FLNB: variants seen among roughly 807,000 people sequenced by gnomAD.
FLNB encodes filamin B.
Under a neutral mutation model 250.6 loss-of-function variants are expected in FLNB, and 111 were observed. That is an observed-to-expected ratio of 0.44 (90% confidence interval 0.38 to 0.52). The LOEUF is 0.52. Among genes scored for constraint, FLNB ranks in the 20% least tolerant of loss-of-function variants. The pLI, the probability that FLNB is intolerant of heterozygous loss-of-function variation, is 0.00. For missense variants in FLNB, 2,869 were observed against 3,447.8 expected (o/e 0.83, Z 4.20); for synonymous variants, 1,302 against 1,372.1 (o/e 0.95, Z 1.13).
intron 4 of FLNB, among the ~76,000 whole-genome samples, chr3:58,089,747 G>A (rs1418201407): frequency 6.6e-6 from 1 of 152,124 alleles, no homozygotes; most frequent in Non-Finnish European, 1.5e-5. Context: ...GCAATAGCAG[G>A]GTGGAAGGAC....
chr3:58,084,365 T>C (rs1412938447), intron 4 of FLNB, among the ~76,000 whole-genome samples: 6 of 152,110 alleles, frequency 3.9e-5, no homozygotes, highest in Non-Finnish European at 8.8e-5. Context: ...CAAGGCATAG[T>C]GTATGTTTGT....
chr3:58,013,912 T>C (rs1314180156), intron 1 of FLNB, among the ~76,000 whole-genome samples: 1 of 152,244 alleles, frequency 6.6e-6, no homozygotes, highest in Non-Finnish European at 1.5e-5. Context: ...GCATTCAATG[T>C]CACTTGTGTA....
chr3:58,161,785 C>T (rs559013752), intron 42 of FLNB, among the ~76,000 whole-genome samples: 3 of 151,724 alleles, frequency 2.0e-5, no homozygotes, highest in African/African-American at 4.9e-5. Flanking sequence ...GGATGGCCTT[C>T]CTCTTGGTGG....
intron 43 of FLNB, 42 bp downstream of exon 43, chr3:58,163,372 C>G: frequency 2.5e-6 from 4 of 1,593,212 alleles, no homozygotes; most frequent in Non-Finnish European, 2.6e-6. Flanking sequence ...ACTGAACCAG[C>G]TCCAGGGACC....
At chr3:58,122,871 C>A (rs183150296) in intron 20 of FLNB, among the ~76,000 whole-genome samples, 1 of 152,264 alleles carries the variant, frequency 6.6e-6, no homozygotes, top group Non-Finnish European at 1.5e-5. Flanking sequence ...ATGGGGGTCA[C>A]ACCTCTCTCC....
intron 18 of FLNB, among the ~76,000 whole-genome samples, chr3:58,113,248 A>C (rs951151037): frequency 1.3e-5 from 2 of 152,218 alleles, no homozygotes; most frequent in Non-Finnish European, 2.9e-5. Context: ...GAGAGCAGAC[A>C]TCCTGGCAGA....
intron 1 of FLNB, among the ~76,000 whole-genome samples, chr3:58,031,343 C>T (rs1294435117): frequency 6.6e-6 from 1 of 151,782 alleles, no homozygotes; most frequent in Non-Finnish European, 1.5e-5. Context: ...CCCGGGTTCG[C>T]GCCATTCTCC....
intron 32 of FLNB, 28 bp from the exon 33 acceptor site, chr3:58,145,893 A>C: frequency 6.2e-7 from 1 of 1,613,978 alleles, no homozygotes; most frequent in East Asian, 2.2e-5. Context: ...ATGAGCACCA[A>C]TTTTGTTTGT....
chr3:58,143,656 G>A, intron 32 of FLNB, 43 bp downstream of exon 32: 3 of 1,611,208 alleles, frequency 1.9e-6, no homozygotes, highest in Non-Finnish European at 2.5e-6. Flanking sequence ...ACCATTCAGG[G>A]GCATCCGGGC....
intron 31 of FLNB, 113 bp from the exon 32 acceptor site, chr3:58,143,360 G>A (rs906206594): frequency 1.4e-5 from 15 of 1,102,752 alleles, no homozygotes; most frequent in South Asian, 3.9e-5. Flanking sequence ...AGGCAGCAAC[G>A]AATGTTCTTG....
chr3:58,099,506 A>G (rs2097245723), intron 8 of FLNB, among the ~76,000 whole-genome samples: 1 of 152,104 alleles, frequency 6.6e-6, no homozygotes, highest in Admixed American at 6.6e-5. Context: ...CTCAAATGTT[A>G]GACTCTCTCC....
At chr3:58,102,769 G>C (rs1317428517) in intron 9 of FLNB, among the ~76,000 whole-genome samples, 3 of 152,204 alleles carry the variant, frequency 2.0e-5, no homozygotes, top group Non-Finnish European at 4.4e-5. Flanking sequence ...ACATTTTATA[G>C]AGTATGAAAT....
In FLNB at chr3:58,112,335, C is replaced by A. The variant is rs377054671; in HGVS notation, c.2745+17C>A. ...ACCCAACAGGTAGGGTCCTTCTCCC[C>A]TCTGCTCCCCTGGCCCCCAGCCAGG... On this transcript the variant is annotated intron_variant, in intron 18 of 45. Transcript: ENST00000295956. 1.2e-6 allele frequency: 2 copies of A among 1,611,760 alleles called. No individual in the cohort carries two copies.
intron 2 of FLNB, among the ~76,000 whole-genome samples, chr3:58,077,513 G>A (rs2097203375): frequency 6.6e-6 from 1 of 152,238 alleles, no homozygotes; most frequent in African/African-American, 2.4e-5. Flanking sequence ...TGAGCATCAA[G>A]TTGAGTCTTT....
In FLNB at chr3:58,109,183, G is replaced by C; in HGVS notation, c.2060G>C (p.Gly687Ala). The C allele has an allele frequency of 6.2e-7, 1 of 1,614,174 alleles. No homozygotes were observed. Among genetic ancestry groups the C allele is most frequent in the East Asian group, 2.2e-5 (1 of 44,874 alleles). The stretch of plus-strand genomic sequence containing the variant: ...CTAGCTCTGGCTTTTTTGCAGGATG[G>C]GGAAGGCCAACGCATTGACATCCAG... ...KAPLKIFAQDGEGQRIDIQMK... is the reference protein window; with the variant it reads ...KAPLKIFAQDAEGQRIDIQMK... The change falls in exon 14 of 46, where the codon GGG (glycine) becomes GCG (alanine). Residue 687 changes from glycine (G) to alanine (A), a missense_variant. Coordinates refer to ENST00000295956, the MANE Select transcript of FLNB (RefSeq NM_001457.4).
chr3:58,149,829 C>G (rs1176725371), intron 36 of FLNB, 21 bp from the exon 37 acceptor site: 10 of 1,614,070 alleles, frequency 6.2e-6, no homozygotes, highest in African/African-American at 1.3e-5. Flanking sequence ...GTCAGAACAG[C>G]CTGGGGCTGC....
At chr3:58,063,331 G>A (rs568676501) in intron 1 of FLNB, among the ~76,000 whole-genome samples, 9 of 152,302 alleles carry the variant, frequency 5.9e-5, no homozygotes, top group South Asian at 4.1e-4. Flanking sequence ...AATTCCACCC[G>A]TAAGAAGGAG....
At chr3:58,095,105 G>T in intron 5 of FLNB, 151 bp downstream of exon 5, 1 of 705,488 alleles carries the variant, frequency 1.4e-6, no homozygotes. Context: ...AGCTGTTAAA[G>T]TAACCTGCCC....
chr3:58,028,593 C>CA (rs1287594079), intron 1 of FLNB, among the ~76,000 whole-genome samples: 1 of 145,118 alleles, frequency 6.9e-6, no homozygotes, highest in African/African-American at 2.7e-5. Flanking sequence ...TTATCTCTAC[C>CA]AAAAAAAATT....
Sources: allele counts gnomAD v4.1 joint callset (sites outside exome capture counted in the v4.1 genomes callset), GRCh38; gene constraint gnomAD v4.1.1; transcripts MANE v1.5; gene names NCBI Gene and HGNC (gene_info 2026-07-23, HGNC 2026-07-21).